Variants in KLHL8 observed in about 807,000 individuals in gnomAD.
KLHL8 encodes kelch-like protein 8.
KLHL8 carries 38 observed loss-of-function variants against 63.5 expected under a neutral mutation model. The observed-to-expected ratio is 0.60, with a 90% CI of 0.46 to 0.78. The LOEUF (loss-of-function observed/expected upper bound fraction) is 0.78. KLHL8 is among the 30% of genes least tolerant of loss of function. KLHL8 has a pLI of 0.00. For synonymous variants in KLHL8, 224 were observed against 254.3 expected, an observed-to-expected ratio of 0.88 and a Z score of 1.13; for missense variants, 566 against 752.4, an observed-to-expected ratio of 0.75 and a Z score of 2.90.
At chr4:87,238,845 A>G (rs1008179297) in intron 1 of KLHL8, among the ~76,000 whole-genome samples, 5 of 152,206 alleles carry the variant, frequency 3.3e-5, no homozygotes, top group Non-Finnish European at 7.3e-5. Flanking sequence ...TCCTGTATAA[A>G]TTGGCTCCAT....
intron 6 of KLHL8, among the ~76,000 whole-genome samples, chr4:87,174,137 C>T (rs989864976): frequency 5.3e-5 from 8 of 152,038 alleles, no homozygotes; most frequent in Admixed American, 2.0e-4. Context: ...ATATAAGCCA[C>T]AATGTCTCAG....
upstream of KLHL8, among the ~76,000 whole-genome samples, chr4:87,222,961 T>TTTTA (rs1247418576): frequency 2.6e-5 from 4 of 151,748 alleles, no homozygotes; most frequent in Admixed American, 1.3e-4. Flanking sequence ...ATTTTATTTA[T>TTTTA]TTTATTTTAG....
chr4:87,234,275 T>TA (rs1157254793), intron 1 of KLHL8, among the ~76,000 whole-genome samples: 1 of 151,882 alleles, frequency 6.6e-6, no homozygotes, highest in African/African-American at 2.4e-5. Context: ...GCATCTCTAC[T>TA]AAAAAATACA....
chr4:87,165,090 C>T (rs865869753), intron 8 of KLHL8, among the ~76,000 whole-genome samples: 1 of 136,794 alleles, frequency 7.3e-6, no homozygotes, highest in South Asian at 2.2e-4. Flanking sequence ...CGGACGCTTG[C>T]AGTGAGCCGA....
At chr4:87,205,246 C>A (rs1231886923) in intron 1 of KLHL8, among the ~76,000 whole-genome samples, 1 of 152,070 alleles carries the variant, frequency 6.6e-6, no homozygotes, top group African/African-American at 2.4e-5. Context: ...GTCTCTACAA[C>A]AGATTTTAAA....
At position 87,160,383 on chromosome 4, in the gene KLHL8, C is replaced by A. The variant is rs1454870577; in HGVS notation, c.*3136G>T. 6.6e-6 allele frequency: 1 copy of A among 152,116 alleles called. No individual in the cohort carries two copies. The highest frequency in any genetic ancestry group is 2.4e-5 in the African/African-American group (1 of 41,420). 9.4% of individuals were successfully genotyped at this position (152,116 alleles called of 1,614,324 possible). A position where few individuals can be genotyped will look rare whatever the true frequency, so the allele number is the denominator to read the frequency against. ...CGAGAAACCACAGAAACATTCTTAA[C>A]TGATACAACATGAATTAGATTCTAA... is the stretch of plus-strand genomic sequence containing the variant. On this transcript the variant is annotated 3_prime_UTR_variant, in exon 10 of 10. Transcript: ENST00000273963.
chr4:87,204,748 T>C (rs1732050059), intron 1 of KLHL8, among the ~76,000 whole-genome samples: 1 of 152,150 alleles, frequency 6.6e-6, no homozygotes, highest in Non-Finnish European at 1.5e-5. Context: ...TTATATGATA[T>C]CCTCAAAAGG....
rs1730163563 is a variant in KLHL8, at chr4:87,161,343, C to CTAT, written c.*2173_*2175dup. ...ACAGGCGTGAGCCACCATGCCTGGC[C>CTAT]TATTTATCTTTTCATACTGCTGTCA... On this transcript the variant is annotated 3_prime_UTR_variant, in exon 10 of 10. Coordinates refer to ENST00000273963, the MANE Select transcript of KLHL8 (RefSeq NM_020803.5). The CTAT allele has an allele frequency of 6.6e-6, 1 of 152,210 alleles. No individual in the cohort carries two copies. The highest frequency in any genetic ancestry group is 1.5e-5 in the Non-Finnish European group (1 of 68,096). The allele number at this position is 152,210 out of a possible 1,614,324, so 9.4% of individuals were successfully genotyped here.
intron 2 of KLHL8, among the ~76,000 whole-genome samples, chr4:87,194,949 C>G (rs184923822): frequency 1.3e-5 from 2 of 152,290 alleles, no homozygotes; most frequent in African/African-American, 4.8e-5. Flanking sequence ...TGACTTCTAA[C>G]TTACTTCTGT....
At chr4:87,164,193 G>C (rs969449000) in intron 8 of KLHL8, 114 bp from the exon 9 acceptor site, 4 of 999,838 alleles carry the variant, frequency 4.0e-6, no homozygotes, top group African/African-American at 1.6e-5. Context: ...GAATGGTTTA[G>C]AGAAAATTTT....
chr4:87,193,128 A>G (rs112202742), intron 2 of KLHL8, among the ~76,000 whole-genome samples: 4 of 152,236 alleles, frequency 2.6e-5, no homozygotes, highest in African/African-American at 9.6e-5. Flanking sequence ...GACTTTTTCC[A>G]TAAACTTCAA....
chr4:87,177,031 G>A (rs538804462), intron 5 of KLHL8, among the ~76,000 whole-genome samples, 163 bp from the exon 6 acceptor site: 5 of 152,246 alleles, frequency 3.3e-5, no homozygotes, highest in Middle Eastern at 6.8e-3. Context: ...GTAGTTGAAT[G>A]AAAAATCAAT....
intron 2 of KLHL8, among the ~76,000 whole-genome samples, 155 bp downstream of exon 2, chr4:87,195,169 T>C (rs975219721): frequency 1.3e-5 from 2 of 152,150 alleles, no homozygotes. Flanking sequence ...CTCTATGTCC[T>C]TTCTCCTACA....
intron 1 of KLHL8, among the ~76,000 whole-genome samples, chr4:87,229,136 T>G (rs1256409809): frequency 1.3e-5 from 2 of 152,242 alleles, no homozygotes; most frequent in African/African-American, 2.4e-5. Flanking sequence ...TTCAGCCTAT[T>G]TGGAAGGTTT....
intron 1 of KLHL8, among the ~76,000 whole-genome samples, chr4:87,226,167 T>C (rs746080230): frequency 5.3e-5 from 8 of 152,258 alleles, no homozygotes; most frequent in Non-Finnish European, 1.2e-4. Context: ...TCCATATGTA[T>C]GGTAGAAATT....
intron 1 of KLHL8, chr4:87,207,380 C>G (rs780758331): frequency 6.0e-6 from 4 of 669,016 alleles, no homozygotes; most frequent in Non-Finnish European, 1.1e-5. Flanking sequence ...GTGGAGTCCA[C>G]TGGTGTTTTC....
intron 4 of KLHL8, among the ~76,000 whole-genome samples, chr4:87,180,234 C>A (rs184986740): frequency 6.6e-6 from 1 of 152,332 alleles, no homozygotes; most frequent in East Asian, 1.9e-4. Context: ...GTTATGCCAA[C>A]ATCTGTTACC....
intron 1 of KLHL8, among the ~76,000 whole-genome samples, chr4:87,231,975 T>C (rs559172767): frequency 6.6e-6 from 1 of 152,348 alleles, no homozygotes; most frequent in East Asian, 1.9e-4. Context: ...GAATCTAACA[T>C]AAACATACCA....
intron 1 of KLHL8, among the ~76,000 whole-genome samples, chr4:87,219,085 G>A (rs531894369): frequency 6.6e-6 from 1 of 152,312 alleles, no homozygotes; most frequent in Admixed American, 6.5e-5. Flanking sequence ...TTGGTATCTT[G>A]AAAGCAATTT....
Sources: allele counts gnomAD v4.1 joint callset (sites outside exome capture counted in the v4.1 genomes callset), GRCh38; gene constraint gnomAD v4.1.1; transcripts MANE v1.5; gene names NCBI Gene and HGNC (gene_info 2026-07-23, HGNC 2026-07-21).